Variants in TPPP2 observed in about 807,000 individuals in gnomAD.
The protein encoded by TPPP2 is tubulin polymerization promoting protein family member 2.
TPPP2 carries 8 observed loss-of-function variants against 13.0 expected under a neutral mutation model. The ratio of observed to expected loss-of-function variants is 0.62; its 90% CI spans 0.36 to 1.11. TPPP2 has a LOEUF of 1.11. TPPP2 is among the 50% of genes most tolerant of loss of function. The probability of loss-of-function intolerance (pLI) is 0.02; values close to 1 mark genes in which losing one functional copy is unlikely to be tolerated. For synonymous variants in TPPP2, 81 were observed against 81.8 expected (o/e 0.99, Z 0.05); for missense variants, 213 against 216.9 (o/e 0.98, Z 0.11).
chr14:21,030,704 TG>T lies in TPPP2; in HGVS notation c.125del (p.Gly42AlafsTer33), dbSNP rs1304100835. Reference protein sequence around the residue: ...KLCKDCGIMDGKTVTSTDVDI... With the variant: ...KLCKDCGIMDXKTVTSTDVDI... The stretch of plus-strand genomic sequence containing the variant: ...TGTGCAAAGACTGTGGCATCATGGA[TG>T]GCAAGACAGTCACCTCCACGGACGT... On this transcript the variant is annotated frameshift_variant, in exon 2 of 4. Transcript: ENST00000321760. LOFTEE classifies it high-confidence loss of function. The T allele has an allele frequency of 6.2e-7, 1 of 1,614,150 alleles. No individual in the cohort carries two copies. Among genetic ancestry groups the T allele is most frequent in the South Asian group, 1.1e-5 (1 of 91,084 alleles).
chr14:21,034,200 C>T, downstream of TPPP2: 1 of 1,614,098 alleles, frequency 6.2e-7, no homozygotes, highest in Non-Finnish European at 8.5e-7. Context: ...ATAGAAGTTC[C>T]TGCTGCCAAT....
rs978835484 is a variant in TPPP2 at position 21,032,478 on chromosome 14, T to C, written c.*401T>C. 2.6e-6 allele frequency: 1 copy of C among 385,022 alleles called. No homozygotes were observed. The highest frequency in any genetic ancestry group is 5.1e-6 in the Non-Finnish European group (1 of 195,448). The allele number at this position is 385,022 out of a possible 1,614,324, so 23.9% of individuals were successfully genotyped here. A position where few individuals can be genotyped will look rare whatever the true frequency, so the allele number is the denominator to read the frequency against. On this transcript the variant is annotated 3_prime_UTR_variant, in exon 4 of 4. Coordinates refer to ENST00000321760, the MANE Select transcript of TPPP2 (RefSeq NM_173846.5). ...TAGCAATTCCTCACGTGATGGACTA[T>C]GACTATATCACATATTAGATCCTTC...
intron 1 of TPPP2, chr14:21,024,853 A>G (rs914880557): frequency 1.1e-5 from 11 of 985,574 alleles, no homozygotes; most frequent in Non-Finnish European, 1.2e-5. Context: ...GCGCACCCCA[A>G]ACACGCCCTG....
At chr14:21,035,055 G>C (rs937460664), downstream of TPPP2, among the ~76,000 whole-genome samples, 2 of 152,216 alleles carry the variant, frequency 1.3e-5, no homozygotes, top group African/African-American at 2.4e-5. Context: ...CTGACCCTCA[G>C]AGAACAGAGC....
intron 2 of TPPP2, 63 bp downstream of exon 2, chr14:21,030,817 G>A (rs1884042221): frequency 1.3e-6 from 2 of 1,574,038 alleles, no homozygotes; most frequent in Admixed American, 3.5e-5. Context: ...GGCCACGGAA[G>A]GGTTCACGTG....
rs776993921 is a variant in TPPP2 at position 21,031,920 on chromosome 14, G to A, written c.356G>A (p.Arg119His). 106 of 1,614,158 alleles carry A rather than the reference G, an allele frequency of 6.6e-5. No homozygotes were observed. The highest frequency in any genetic ancestry group is 8.0e-5 in the African/African-American group (6 of 75,040). The stretch of plus-strand genomic sequence containing the variant: ...GCAACAACAGTGGGTGCAGTGGACC[G>A]TTTGACAGACACCAGCAAGTACACC... Reference protein sequence around the residue: ...TKATTVGAVDRLTDTSKYTGT... With the variant: ...TKATTVGAVDHLTDTSKYTGT... Residue 119 changes from arginine (R) to histidine (H), a missense_variant, in exon 4 of 4, where the codon CGT becomes CAT. By Grantham distance (29) the Arg-to-His change is conservative. Transcript: ENST00000321760.
At chr14:21,035,698 C>A, downstream of TPPP2, 1 of 446,774 alleles carries the variant, frequency 2.2e-6, no homozygotes, top group Non-Finnish European at 4.5e-6. Flanking sequence ...TCATGTAGAG[C>A]CCCCTAAACT....
At chr14:21,036,291 C>G (rs2139099117), downstream of TPPP2, 1 of 456,076 alleles carries the variant, frequency 2.2e-6, no homozygotes, top group Non-Finnish European at 4.4e-6. Flanking sequence ...AAGTGTGATC[C>G]CTTCTTTCGT....
chr14:21,026,737 C>T (rs1219002440), upstream of TPPP2, among the ~76,000 whole-genome samples: 5 of 152,122 alleles, frequency 3.3e-5, no homozygotes, highest in Admixed American at 2.0e-4. Context: ...CTGTTCCTTT[C>T]TCCCACTCCC....
downstream of TPPP2, chr14:21,036,264 T>C (rs1402160589): frequency 2.2e-5 from 10 of 456,194 alleles, no homozygotes; most frequent in East Asian, 6.9e-5. Context: ...ATATCTCTTA[T>C]ACAACTTCAA....
rs549030605 is a variant in TPPP2 at position 21,030,725 on chromosome 14, G to A, written c.144G>A (p.Thr48=). Residue 48 remains threonine (T), a synonymous_variant, in exon 2 of 4, where the codon ACG becomes ACA. Coordinates refer to ENST00000321760, the MANE Select transcript of TPPP2 (RefSeq NM_173846.5). ...TGGATGGCAAGACAGTCACCTCCAC[G>A]GACGTGGACATCGTGTTCAGCAAAG... The part of the protein sequence containing the change: ...GIMDGKTVTS[T]DVDIVFSKVK... 108 of 1,614,152 alleles carry A rather than the reference G, an allele frequency of 6.7e-5. 1 individual carries two copies. In the Middle Eastern group the frequency reaches 1.2e-3, roughly 17 times the overall value.
At chr14:21,030,913 T>C (rs2282035) in intron 2 of TPPP2, 99 bp from the exon 3 acceptor site, 450,316 of 1,524,476 alleles carry the variant, frequency 0.3, 69,959 homozygotes, top group Admixed American at 0.34. Context: ...CACTGATTGA[T>C]AGGACAAAAG....
chr14:21,031,191 A>T lies in TPPP2; in HGVS notation c.327+26A>T, dbSNP rs374666914. The T allele has an allele frequency of 2.2e-5, 35 of 1,607,932 alleles. No homozygotes were observed. The African/African-American group carries it at 2.3e-4, about 10-fold the overall frequency. On this transcript the variant is annotated intron_variant, in intron 3 of 3. Coordinates refer to ENST00000321760, the MANE Select transcript of TPPP2 (RefSeq NM_173846.5). Reference sequence around the variant, plus strand: ...GTGAGTGACAGCCTTCATCCCCTTGACCCTACTTCCCTAAATCCCCATTGT... The same window carrying T: ...GTGAGTGACAGCCTTCATCCCCTTGTCCCTACTTCCCTAAATCCCCATTGT...
upstream of TPPP2, among the ~76,000 whole-genome samples, chr14:21,028,081 A>C (rs1016029945): frequency 2.6e-5 from 4 of 152,212 alleles, no homozygotes; most frequent in African/African-American, 9.6e-5. Flanking sequence ...CTCAGCTAGT[A>C]AATGACATAT....
At chr14:21,030,841 A>G (rs374231689) in intron 2 of TPPP2, 87 bp downstream of exon 2, 2 of 1,536,240 alleles carry the variant, frequency 1.3e-6, no homozygotes. Context: ...GAACATTTGC[A>G]GTGGGCCTAC....
chr14:21,031,418 G>A (rs1184988444), intron 3 of TPPP2: 1 of 486,704 alleles, frequency 2.1e-6, no homozygotes, highest in Non-Finnish European at 3.5e-6. Context: ...GGCAATTAGG[G>A]CTTGGTAGCT....
intron 1 of TPPP2, chr14:21,024,523 G>T (rs369464939): frequency 3.0e-6 from 3 of 985,254 alleles, no homozygotes; most frequent in East Asian, 1.1e-4. Context: ...GAGGAGGGTA[G>T]CAGAGCATGG....
At chr14:21,024,900 G>A (rs899933912) in intron 1 of TPPP2, 2 of 985,444 alleles carry the variant, frequency 2.0e-6, no homozygotes, top group East Asian at 1.1e-4. Flanking sequence ...CGCAGCAACC[G>A]AGCGCCCGCT....
At chr14:21,026,582 A>G (rs1035883204), upstream of TPPP2, among the ~76,000 whole-genome samples, 3 of 148,774 alleles carry the variant, frequency 2.0e-5, no homozygotes, top group South Asian at 2.2e-4. Context: ...CCCACTTGGC[A>G]GGGTCTACTG....
Sources: gnomAD v4.1 joint callset for allele counts (sites outside exome capture counted in the v4.1 genomes callset) on GRCh38, gnomAD v4.1.1 for gene constraint, MANE v1.5 for transcripts, NCBI Gene and HGNC (gene_info 2026-07-23, HGNC 2026-07-21) for gene names.